Variants in LINGO2 observed in about 807,000 individuals in gnomAD.
The protein encoded by LINGO2 is leucine rich repeat and Ig domain containing 2, also known as leucine-rich repeat and immunoglobulin-like domain-containing nogo receptor-interacting protein 2.
LINGO2 carries 14 observed loss-of-function variants against 30.6 expected under a neutral mutation model. That is an observed-to-expected ratio of 0.46 (90% confidence interval 0.30 to 0.72). LINGO2 has a LOEUF of 0.72. LINGO2 is among the 30% of genes least tolerant of loss of function. The probability of loss-of-function intolerance (pLI) is 0.07; values close to 1 mark genes in which losing one functional copy is unlikely to be tolerated. For synonymous variants in LINGO2, 317 were observed against 288.5 expected (o/e 1.10, Z -1.00); for missense variants, 729 against 751.7 (o/e 0.97, Z 0.35).
At chr9:28,922,595 C>A in the LINGO2 span, among the ~76,000 whole-genome samples, 1 of 152,056 alleles carries the variant, frequency 6.6e-6, no homozygotes, top group African/African-American at 2.4e-5. Flanking sequence ...ACAGTAACTC[C>A]TGGGGTTAAA....
At chr9:28,427,578 T>G (rs7855030) in intron 2 of LINGO2, among the ~76,000 whole-genome samples, 64,084 of 151,930 alleles carry the variant, frequency 0.42, 14,087 homozygotes, top group East Asian at 0.6. Context: ...ACAGATGGAT[T>G]TTTCACAGAT....
At chr9:28,426,674 C>G (rs1326073318) in intron 2 of LINGO2, among the ~76,000 whole-genome samples, 1 of 152,080 alleles carries the variant, frequency 6.6e-6, no homozygotes, top group Non-Finnish European at 1.5e-5. Flanking sequence ...CCCTGAGGTG[C>G]ACATGGCTTA....
At chr9:28,201,617 T>C (rs1820238158) in intron 4 of LINGO2, among the ~76,000 whole-genome samples, 1 of 151,376 alleles carries the variant, frequency 6.6e-6, no homozygotes, top group South Asian at 2.1e-4. Context: ...CTGGGTCAAA[T>C]GGTATTTCTA....
At chr9:28,320,800 C>T (rs1825013788) in intron 3 of LINGO2, among the ~76,000 whole-genome samples, 1 of 152,142 alleles carries the variant, frequency 6.6e-6, no homozygotes, top group African/African-American at 2.4e-5. Flanking sequence ...TTGCCAACTC[C>T]CTCAGACATC....
chr9:28,953,699 T>C, the LINGO2 span, among the ~76,000 whole-genome samples: 23 of 152,074 alleles, frequency 1.5e-4, no homozygotes, highest in African/African-American at 5.3e-4. Flanking sequence ...ACATGTATTT[T>C]TGGAGAAAAG....
intron 4 of LINGO2, among the ~76,000 whole-genome samples, chr9:28,026,247 A>G (rs1183560051): frequency 1.3e-5 from 2 of 152,146 alleles, no homozygotes; most frequent in Non-Finnish European, 2.9e-5. Flanking sequence ...GTAATTTTTG[A>G]TGTTTACATA....
At chr9:28,552,300 T>A (rs1402818967) in intron 1 of LINGO2, among the ~76,000 whole-genome samples, 1 of 152,032 alleles carries the variant, frequency 6.6e-6, no homozygotes, top group African/African-American at 2.4e-5. Flanking sequence ...TCCTCTTTCT[T>A]GGTTTACCAG....
the LINGO2 span, among the ~76,000 whole-genome samples, chr9:28,801,798 A>G: frequency 1.3e-5 from 2 of 152,138 alleles, no homozygotes; most frequent in Admixed American, 1.3e-4. Context: ...AGGGAGCTAC[A>G]CACTTGGTAG....
chr9:28,603,300 A>C (rs550984259), intron 1 of LINGO2, among the ~76,000 whole-genome samples: 2 of 152,190 alleles, frequency 1.3e-5, no homozygotes, highest in African/African-American at 4.8e-5. Context: ...TACTATGCAG[A>C]AAGTATTGTT....
chr9:28,533,280 G>A (rs1350189216), intron 1 of LINGO2, among the ~76,000 whole-genome samples: 1 of 152,042 alleles, frequency 6.6e-6, no homozygotes, highest in Non-Finnish European at 1.5e-5. Flanking sequence ...TGGGGCTTTT[G>A]GGCCTTTGAC....
chr9:28,324,682 G>T (rs1421221469), intron 3 of LINGO2, among the ~76,000 whole-genome samples: 1 of 152,068 alleles, frequency 6.6e-6, no homozygotes, highest in East Asian at 1.9e-4. Context: ...GCAACATCAG[G>T]AAGTTACCCT....
chr9:29,020,498 T>TA, the LINGO2 span, among the ~76,000 whole-genome samples: 1 of 152,210 alleles, frequency 6.6e-6, no homozygotes, highest in East Asian at 1.9e-4. Flanking sequence ...GCTTGGCTTC[T>TA]AAAGATCTCT....
rs1827890647 is a variant in LINGO2 at position 28,148,724 on chromosome 9, G to A, written c.-86-136319C>T. 3.4e-5 allele frequency: 52 copies of A among 1,533,552 alleles called. No homozygotes were observed. The South Asian group carries it at 5.8e-4, about 17-fold the overall frequency. The allele number at this position is 1,533,552 out of a possible 1,614,324, so 95.0% of individuals were successfully genotyped here. A position where few individuals can be genotyped will look rare whatever the true frequency, so the allele number is the denominator to read the frequency against. ...AGTCGCCAGTTCACACAGCCCTGCT[G>A]GAGGCATCCTTCCCTTTGGGAAGCC... is the stretch of plus-strand genomic sequence containing the variant. On this transcript the variant is annotated intron_variant, in intron 4 of 5. Coordinates refer to ENST00000379992, the Ensembl canonical transcript of LINGO2. This position sits in a 1 kb window ranked among gnomAD's most constrained non-coding sequence, Gnocchi z 5.1.
At chr9:28,175,954 G>A (rs991541556) in intron 4 of LINGO2, among the ~76,000 whole-genome samples, 9 of 152,138 alleles carry the variant, frequency 5.9e-5, no homozygotes, top group Non-Finnish European at 1.3e-4. Flanking sequence ...TGTTTATACT[G>A]ATATGACCTC....
chr9:28,984,545 C>T, the LINGO2 span, among the ~76,000 whole-genome samples: 4 of 151,838 alleles, frequency 2.6e-5, no homozygotes, highest in Non-Finnish European at 5.9e-5. Flanking sequence ...CTTGAAAGGC[C>T]ATAAATTACT....
At chr9:29,190,888 T>C in the LINGO2 span, among the ~76,000 whole-genome samples, 1 of 152,314 alleles carries the variant, frequency 6.6e-6, no homozygotes, top group South Asian at 2.1e-4. Flanking sequence ...CCAGTGCTAA[T>C]CATAGGTGTA....
chr9:29,080,133 G>C, the LINGO2 span, among the ~76,000 whole-genome samples: 1 of 151,972 alleles, frequency 6.6e-6, no homozygotes, highest in South Asian at 2.1e-4. Flanking sequence ...CCTGTTTTTG[G>C]TCTACTCAGG....
chr9:28,485,451 A>T (rs1042252018), intron 1 of LINGO2, among the ~76,000 whole-genome samples: 44 of 152,240 alleles, frequency 2.9e-4, no homozygotes, highest in African/African-American at 9.9e-4. Flanking sequence ...GTGTAAAAGT[A>T]TGAGTATCAA....
chr9:28,906,171 TG>T, the LINGO2 span, among the ~76,000 whole-genome samples: 1 of 151,898 alleles, frequency 6.6e-6, no homozygotes, highest in African/African-American at 2.4e-5. Context: ...TGGGGAGATG[TG>T]GGTCAAAGAA....
Sources: gnomAD v4.1 joint callset for allele counts (sites outside exome capture counted in the v4.1 genomes callset) on GRCh38, gnomAD v4.1.1 for gene constraint, Gnocchi (gnomAD v3.1) non-coding constraint, MANE v1.5 for transcripts, NCBI Gene and HGNC (gene_info 2026-07-23, HGNC 2026-07-21) for gene names.